The following KCNH8 variants were observed in gnomAD, a reference collection of about 807,000 sequenced individuals.
The protein encoded by KCNH8 is voltage-gated delayed rectifier potassium channel KCNH8.
KCNH8 carries 70 observed loss-of-function variants against 103.6 expected under a neutral mutation model. The observed-to-expected ratio is 0.68, with a 90% CI of 0.56 to 0.82. KCNH8 has a LOEUF of 0.82. Ranked by LOEUF, KCNH8 falls within the 40% of genes least tolerant of loss-of-function variation. The pLI is 0.00. For synonymous variants in KCNH8, 498 were observed against 489.4 expected (o/e 1.02, Z -0.23); for missense variants, 1,217 against 1,329.9 (o/e 0.92, Z 1.32).
intron 1 of KCNH8, among the ~76,000 whole-genome samples, chr3:19,221,528 T>C (rs932646197): frequency 6.6e-6 from 1 of 152,248 alleles, no homozygotes; most frequent in African/African-American, 2.4e-5. Context: ...TTTTTTCTCA[T>C]CTTAAATGAA....
intron 1 of KCNH8, among the ~76,000 whole-genome samples, chr3:19,206,754 G>C (rs190957883): frequency 8.5e-5 from 13 of 152,106 alleles, no homozygotes; most frequent in African/African-American, 3.1e-4. Flanking sequence ...CCTAAGTTGA[G>C]AACCAGTGTT....
At chr3:19,406,939 A>T (rs776086030) in intron 7 of KCNH8, among the ~76,000 whole-genome samples, 1 of 152,132 alleles carries the variant, frequency 6.6e-6, no homozygotes, top group Non-Finnish European at 1.5e-5. Context: ...TCTTATTTGT[A>T]TGAGAAGAAG....
At chr3:19,320,678 G>T (rs1018064211) in intron 3 of KCNH8, among the ~76,000 whole-genome samples, 4 of 151,824 alleles carry the variant, frequency 2.6e-5, no homozygotes, top group African/African-American at 9.6e-5. Flanking sequence ...TGGTGTTAGG[G>T]TGATATTGGC....
chr3:19,273,983 T>G (rs2064626981), intron 2 of KCNH8, among the ~76,000 whole-genome samples: 1 of 152,196 alleles, frequency 6.6e-6, no homozygotes, highest in African/African-American at 2.4e-5. Flanking sequence ...TTTTTTCATT[T>G]AAAATAGGAT....
chr3:19,368,240 T>G (rs547865458), intron 5 of KCNH8, among the ~76,000 whole-genome samples: 38 of 152,138 alleles, frequency 2.5e-4, no homozygotes, highest in African/African-American at 7.5e-4. Context: ...ATACAATGAT[T>G]AGGGAAATTT....
intron 7 of KCNH8, among the ~76,000 whole-genome samples, chr3:19,427,775 C>G (rs978184672): frequency 5.3e-5 from 8 of 152,104 alleles, no homozygotes; most frequent in African/African-American, 1.9e-4. Context: ...GGGAAGTGTT[C>G]AGAAAAGTTT....
At chr3:19,495,211 T>G (rs900992762) in intron 11 of KCNH8, among the ~76,000 whole-genome samples, 1 of 152,206 alleles carries the variant, frequency 6.6e-6, no homozygotes, top group Non-Finnish European at 1.5e-5. Flanking sequence ...TAGTTCCCAT[T>G]TGTCAATTTT....
chr3:19,305,927 T>C (rs956549016), intron 3 of KCNH8, among the ~76,000 whole-genome samples: 3 of 152,010 alleles, frequency 2.0e-5, no homozygotes, highest in Non-Finnish European at 4.4e-5. Flanking sequence ...GGGAAACGAA[T>C]TGGTAATGCC....
chr3:19,349,906 C>T (rs2065776906), intron 5 of KCNH8, among the ~76,000 whole-genome samples: 1 of 152,020 alleles, frequency 6.6e-6, no homozygotes, highest in Admixed American at 6.6e-5. Flanking sequence ...TAGCTACATG[C>T]AAAGGAATGA....
At chr3:19,251,896 ATG>A (rs1304447060) in intron 1 of KCNH8, among the ~76,000 whole-genome samples, 1 of 152,214 alleles carries the variant, frequency 6.6e-6, no homozygotes, top group Non-Finnish European at 1.5e-5. Flanking sequence ...GTGCATATAT[ATG>A]TATTTATTTC....
intron 1 of KCNH8, among the ~76,000 whole-genome samples, chr3:19,208,629 G>A (rs1403111689): frequency 6.6e-6 from 1 of 151,934 alleles, no homozygotes; most frequent in Non-Finnish European, 1.5e-5. Flanking sequence ...GCCCATTGGT[G>A]AGAAGGAACC....
intron 1 of KCNH8, among the ~76,000 whole-genome samples, chr3:19,251,369 G>T (rs2064275632): frequency 1.3e-5 from 2 of 152,130 alleles, no homozygotes; most frequent in African/African-American, 4.8e-5. Flanking sequence ...GTTTCTCGGT[G>T]TGTGTCTCTA....
rs77298072 is a variant in KCNH8, at chr3:19,202,198, A to T, written c.77-51456A>T. ...GTTTTGCTTAGGCCGGTCCTGGCTT[A>T]TGCCTGTTGTCCCATCATTTTATCT... On this transcript the variant is annotated intron_variant, in intron 1 of 15. Transcript: ENST00000328405. Among the ~76,000 whole-genome samples the T allele has an allele frequency of 6.3e-3, 963 of 152,238 alleles. 13 individuals carry two copies. Among genetic ancestry groups the T allele is most frequent in the African/African-American group, 0.021 (864 of 41,536 alleles).
At chr3:19,394,912 C>T (rs2066492120) in intron 6 of KCNH8, among the ~76,000 whole-genome samples, 192 bp from the exon 7 acceptor site, 1 of 152,026 alleles carries the variant, frequency 6.6e-6, no homozygotes, top group Admixed American at 6.6e-5. Flanking sequence ...TCCTTCCTAT[C>T]CTATCCTTTA....
At chr3:19,434,585 CT>C (rs1243496718) in intron 7 of KCNH8, among the ~76,000 whole-genome samples, 2 of 152,172 alleles carry the variant, frequency 1.3e-5, no homozygotes, top group African/African-American at 4.8e-5. Context: ...TGCTTGCCAC[CT>C]TTTGCATCAC....
At position 19,451,220 on chromosome 3, in the gene KCNH8, A is replaced by T; in HGVS notation, c.1641A>T (p.Leu547Phe). ...DITMHLNKEI[L>F]QLSLFECASR... Reference sequence around the variant, plus strand: ...CTATGCACTTGAACAAGGAGATCTTACAGTTGTCCCTTTTTGAATGTGCCA... The same window carrying T: ...CTATGCACTTGAACAAGGAGATCTTTCAGTTGTCCCTTTTTGAATGTGCCA... The change falls in exon 10 of 16, where the codon TTA (leucine) becomes TTT (phenylalanine). Residue 547 changes from leucine to phenylalanine, a missense_variant. Coordinates refer to ENST00000328405, the MANE Select transcript of KCNH8 (RefSeq NM_144633.3). The T allele has an allele frequency of 6.2e-7, 1 of 1,613,774 alleles. No homozygotes were observed. The highest frequency in any genetic ancestry group is 8.5e-7 in the Non-Finnish European group (1 of 1,179,710).
intron 7 of KCNH8, among the ~76,000 whole-genome samples, chr3:19,406,984 A>G (rs1312064888): frequency 1.3e-5 from 2 of 152,136 alleles, no homozygotes; most frequent in Non-Finnish European, 2.9e-5. Context: ...GAATTATTCT[A>G]CTCCAGAATA....
chr3:19,213,535 C>A (rs1372741046), intron 1 of KCNH8, among the ~76,000 whole-genome samples: 3 of 152,156 alleles, frequency 2.0e-5, no homozygotes, highest in Admixed American at 6.5e-5. Flanking sequence ...AATGCTTCCC[C>A]AATCCCCCAG....
intron 11 of KCNH8, among the ~76,000 whole-genome samples, chr3:19,490,193 G>A (rs527664582): frequency 3.6e-4 from 55 of 152,322 alleles, no homozygotes; most frequent in Non-Finnish European, 5.3e-4. Context: ...TCAACTGTCC[G>A]TCCTTAATCA....
Sources: gnomAD v4.1 joint callset for allele counts (sites outside exome capture counted in the v4.1 genomes callset) on GRCh38, gnomAD v4.1.1 for gene constraint, MANE v1.5 for transcripts, NCBI Gene and HGNC (gene_info 2026-07-23, HGNC 2026-07-21) for gene names.